The following CADM2 variants were observed in gnomAD, a reference collection of about 807,000 sequenced individuals.
The protein encoded by CADM2 is immunoglobulin superfamily member 4D.
Under a neutral mutation model 49.8 loss-of-function variants are expected in CADM2, and 12 were observed. The ratio of observed to expected loss-of-function variants is 0.24; its 90% confidence interval spans 0.15 to 0.39. The LOEUF (loss-of-function observed/expected upper bound fraction) is 0.39. Among genes scored for constraint, CADM2 ranks in the 10% least tolerant of loss-of-function variants. The pLI, the probability that CADM2 is intolerant of heterozygous loss-of-function variation, is 1.00. For missense variants in CADM2, 378 were observed against 492.3 expected, an observed-to-expected ratio of 0.77 and a Z score of 2.20; for synonymous variants, 214 against 175.4, an observed-to-expected ratio of 1.22 and a Z score of -1.74.
intron 1 of CADM2, among the ~76,000 whole-genome samples, chr3:85,411,867 T>C (rs1283733403): frequency 6.6e-6 from 1 of 152,150 alleles, no homozygotes; most frequent in African/African-American, 2.4e-5. Context: ...AGATGGGGTC[T>C]CAATCTTTCA....
At chr3:85,955,069 G>A (rs1448872991) in intron 7 of CADM2, among the ~76,000 whole-genome samples, 1 of 151,320 alleles carries the variant, frequency 6.6e-6, no homozygotes, top group Admixed American at 6.6e-5. Context: ...AAGGCATAAA[G>A]TTACTGACTA....
intron 1 of CADM2, among the ~76,000 whole-genome samples, chr3:85,556,546 A>G (rs1232014722): frequency 2.0e-5 from 3 of 152,188 alleles, no homozygotes; most frequent in African/African-American, 7.2e-5. Flanking sequence ...ATAAATTGTG[A>G]AATTCCATGC....
intron 1 of CADM2, among the ~76,000 whole-genome samples, chr3:84,993,255 G>A (rs1048789702): frequency 6.6e-6 from 1 of 152,108 alleles, no homozygotes; most frequent in Non-Finnish European, 1.5e-5. Context: ...AGGAGGATAG[G>A]AGTGTGCATA....
chr3:85,694,886 T>G (rs993768264), intron 1 of CADM2, among the ~76,000 whole-genome samples: 5 of 151,892 alleles, frequency 3.3e-5, no homozygotes, highest in African/African-American at 1.2e-4. Flanking sequence ...CCCCAGAAGT[T>G]CAAATCAAAT....
chr3:85,158,220 G>T (rs1365395477), intron 1 of CADM2, among the ~76,000 whole-genome samples: 2 of 152,164 alleles, frequency 1.3e-5, no homozygotes, highest in Admixed American at 6.5e-5. Flanking sequence ...TGGAGAAATA[G>T]GAACACTTTT....
chr3:85,601,124 A>ATGTGTGTG (rs10663541), intron 1 of CADM2, among the ~76,000 whole-genome samples: 2,561 of 60,188 alleles, frequency 0.043, 40 homozygotes, highest in East Asian at 0.14. Flanking sequence ...GCATTTATAT[A>ATGTGTGTG]TGTGTGTATA....
At chr3:85,210,504 T>A (rs1302061402) in intron 1 of CADM2, among the ~76,000 whole-genome samples, 1 of 152,076 alleles carries the variant, frequency 6.6e-6, no homozygotes, top group East Asian at 1.9e-4. Context: ...GTTGAATGAA[T>A]TAGGAAGTAT....
At chr3:85,155,683 G>C (rs148431895) in intron 1 of CADM2, among the ~76,000 whole-genome samples, 10,047 of 151,416 alleles carry the variant, frequency 0.066, 1,133 homozygotes, top group African/African-American at 0.23. Context: ...TGACCACATA[G>C]TTGGAAGTAA....
chr3:85,252,972 A>C (rs1357605913), intron 1 of CADM2, among the ~76,000 whole-genome samples: 1 of 152,054 alleles, frequency 6.6e-6, no homozygotes, highest in East Asian at 1.9e-4. Flanking sequence ...AGTAAGTTTT[A>C]TTTCTTTTCC....
At chr3:85,596,679 A>G (rs537972775) in intron 1 of CADM2, among the ~76,000 whole-genome samples, 27 of 152,064 alleles carry the variant, frequency 1.8e-4, no homozygotes, top group Admixed American at 1.6e-3. Context: ...GAACATTTCC[A>G]TCATCTCAAA....
chr3:85,471,865 T>A (rs1438228358), intron 1 of CADM2, among the ~76,000 whole-genome samples: 1 of 151,640 alleles, frequency 6.6e-6, no homozygotes, highest in African/African-American at 2.4e-5. Context: ...AACATAAATT[T>A]GTACCTATAA....
intron 3 of CADM2, among the ~76,000 whole-genome samples, chr3:85,862,320 T>A (rs1322196761): frequency 6.6e-6 from 1 of 152,168 alleles, no homozygotes; most frequent in East Asian, 1.9e-4. Context: ...TTATAATAAC[T>A]TAATAAGAGG....
At chr3:85,764,278 G>T (rs2069544420) in intron 2 of CADM2, among the ~76,000 whole-genome samples, 1 of 152,000 alleles carries the variant, frequency 6.6e-6, no homozygotes, top group African/African-American at 2.4e-5. Context: ...TCCATTTAAT[G>T]ATATAGTTAA....
intron 8 of CADM2, among the ~76,000 whole-genome samples, chr3:86,047,001 T>C (rs1320457970): frequency 2.6e-5 from 4 of 152,048 alleles, no homozygotes; most frequent in Non-Finnish European, 4.4e-5. Context: ...TATTCTATAA[T>C]ACAATCAAAC....
chr3:85,207,169 T>C (rs969178913), intron 1 of CADM2, among the ~76,000 whole-genome samples: 3 of 152,042 alleles, frequency 2.0e-5, no homozygotes, highest in African/African-American at 7.2e-5. Flanking sequence ...GTGAAACATG[T>C]TTTAATGCAA....
intron 1 of CADM2, among the ~76,000 whole-genome samples, chr3:85,017,512 C>T (rs980112247): frequency 6.6e-6 from 1 of 152,130 alleles, no homozygotes; most frequent in Non-Finnish European, 1.5e-5. Flanking sequence ...GTTAAGTTCT[C>T]ATTTCAGCCA....
chr3:85,010,176 T>C lies in CADM2; in HGVS notation c.61+50508T>C, dbSNP rs189285024. On this transcript the variant is annotated intron_variant, in intron 1 of 9. Transcript: ENST00000383699. ...TATAGGGTTGTAGAAAGTGGAGTAA[T>C]GGGAAGAATTTTTATTAATGCAACC... 9.5e-4 allele frequency among the ~76,000 whole-genome samples: 145 copies of C among 152,096 alleles called. 1 individual carries two copies. The highest frequency in any genetic ancestry group is 3.4e-3 in the Middle Eastern group (1 of 294).
intron 1 of CADM2, among the ~76,000 whole-genome samples, chr3:85,701,370 A>G (rs1399942545): frequency 6.6e-6 from 1 of 152,200 alleles, no homozygotes; most frequent in East Asian, 1.9e-4. Flanking sequence ...CACTAGCCTC[A>G]GAAGTAATGT....
chr3:85,448,982 G>A (rs1289276910), intron 1 of CADM2, among the ~76,000 whole-genome samples: 1 of 150,602 alleles, frequency 6.6e-6, no homozygotes, highest in Non-Finnish European at 1.5e-5. Flanking sequence ...CCCGGGAGGC[G>A]GAAGTTGCAG....
Sources: gnomAD v4.1 joint callset for allele counts (sites outside exome capture counted in the v4.1 genomes callset) on GRCh38, gnomAD v4.1.1 for gene constraint, MANE v1.5 for transcripts, NCBI Gene and HGNC (gene_info 2026-07-23, HGNC 2026-07-21) for gene names.